ZNF385D: variants seen among roughly 807,000 people sequenced by gnomAD.
ZNF385D encodes the protein zinc finger protein 659.
In ZNF385D, 15 loss-of-function variants were observed where a neutral mutation model predicts 35.8. That is an observed-to-expected ratio of 0.42 (90% CI 0.28 to 0.64). The LOEUF is 0.64. Ranked by LOEUF, ZNF385D falls within the 30% of genes least tolerant of loss-of-function variation. ZNF385D has a pLI of 0.23. For synonymous variants in ZNF385D, 212 were observed against 186.8 expected, an observed-to-expected ratio of 1.13 and a Z score of -1.10; for missense variants, 474 against 494.6, an observed-to-expected ratio of 0.96 and a Z score of 0.39.
At chr3:21,773,534 A>G (rs2071163584) in intron 3 of ZNF385D, among the ~76,000 whole-genome samples, 1 of 152,020 alleles carries the variant, frequency 6.6e-6, no homozygotes, top group Non-Finnish European at 1.5e-5. Context: ...ACAAAAGTCT[A>G]ATATCCAGAA....
At chr3:21,890,172 A>T (rs970642483) in intron 3 of ZNF385D, among the ~76,000 whole-genome samples, 1 of 152,182 alleles carries the variant, frequency 6.6e-6, no homozygotes, top group Admixed American at 6.5e-5. Flanking sequence ...CCCTAATATT[A>T]TGTGCAGGTT....
At chr3:22,120,621 A>G (rs1354204147) in intron 3 of ZNF385D, among the ~76,000 whole-genome samples, 1 of 152,138 alleles carries the variant, frequency 6.6e-6, no homozygotes, top group African/African-American at 2.4e-5. Context: ...TACTAGCTGC[A>G]CGATACCACA....
intron 3 of ZNF385D, among the ~76,000 whole-genome samples, chr3:21,894,302 T>C (rs1282608294): frequency 6.6e-6 from 1 of 152,154 alleles, no homozygotes; most frequent in Non-Finnish European, 1.5e-5. Context: ...ATGTTATACT[T>C]AGTCAATTCA....
chr3:22,246,218 A>G (rs1282116042), intron 2 of ZNF385D, among the ~76,000 whole-genome samples: 1 of 152,164 alleles, frequency 6.6e-6, no homozygotes, highest in Non-Finnish European at 1.5e-5. Flanking sequence ...TTTCTCCAGA[A>G]TATCTCTTAA....
intron 3 of ZNF385D, among the ~76,000 whole-genome samples, chr3:22,022,928 G>GTGATA (rs1321638393): frequency 2.0e-5 from 3 of 152,154 alleles, no homozygotes; most frequent in Non-Finnish European, 4.4e-5. Context: ...GGTTGGCCCT[G>GTGATA]TGGGGATCAG....
At position 22,303,839 on chromosome 3, in the gene ZNF385D, G is replaced by A. The variant is rs142997392; in HGVS notation, c.106+68611C>T. On this transcript the variant is annotated intron_variant, in intron 2 of 5. Coordinates refer to the ZNF385D transcript ENST00000494108. ...GTTGCCCAGGATAGAGTGCAATGGC[G>A]CAATCTTGGCTCACTGCAAACTCCA... Among the ~76,000 whole-genome samples, 819 of 151,956 alleles carry A rather than the reference G, an allele frequency of 5.4e-3. 2 individuals are homozygous for A. The highest frequency in any genetic ancestry group is 0.017 in the African/African-American group (699 of 41,462).
At chr3:22,007,690 AATG>A (rs1696299132) in intron 3 of ZNF385D, among the ~76,000 whole-genome samples, 1 of 152,212 alleles carries the variant, frequency 6.6e-6, no homozygotes, top group African/African-American at 2.4e-5. Context: ...ATAAGTGAGA[AATG>A]ATAATTCAGT....
At chr3:21,662,449 G>A (rs1311630499) in intron 2 of ZNF385D, among the ~76,000 whole-genome samples, 1 of 152,162 alleles carries the variant, frequency 6.6e-6, no homozygotes, top group East Asian at 1.9e-4. Flanking sequence ...TCTCTTGAAT[G>A]AGAAATAAAG....
chr3:21,558,200 T>TTTAA (rs1314208134), intron 3 of ZNF385D, among the ~76,000 whole-genome samples: 1 of 151,882 alleles, frequency 6.6e-6, no homozygotes, highest in Non-Finnish European at 1.5e-5. Context: ...TCTGCTAGCT[T>TTTAA]TTAATTTGTT....
chr3:22,138,688 A>G (rs1484790347), intron 3 of ZNF385D, among the ~76,000 whole-genome samples: 3 of 152,190 alleles, frequency 2.0e-5, no homozygotes, highest in Non-Finnish European at 4.4e-5. Context: ...AAAGACTTAC[A>G]TGTTAGACCT....
intron 2 of ZNF385D, among the ~76,000 whole-genome samples, chr3:22,217,736 G>A (rs944002939): frequency 1.3e-5 from 2 of 152,182 alleles, no homozygotes; most frequent in South Asian, 4.1e-4. Context: ...AAAAGAAGGA[G>A]TAGAGAACAA....
intron 2 of ZNF385D, among the ~76,000 whole-genome samples, chr3:21,568,487 A>G (rs1211912808): frequency 1.1e-4 from 16 of 152,172 alleles, no homozygotes; most frequent in Admixed American, 1.0e-3. Context: ...GTAACATCTT[A>G]TTTTGTGTAT....
chr3:21,902,440 G>A (rs259499), intron 3 of ZNF385D, among the ~76,000 whole-genome samples: 30,588 of 151,936 alleles, frequency 0.2, 3,476 homozygotes, highest in Admixed American at 0.32. Context: ...GGTGATCACC[G>A]GTATCTTGGT....
At chr3:21,666,388 C>G (rs551319896) in intron 1 of ZNF385D, among the ~76,000 whole-genome samples, 31 of 152,234 alleles carry the variant, frequency 2.0e-4, no homozygotes, top group Admixed American at 5.9e-4. Flanking sequence ...TCAGCTGGAG[C>G]CAAATTAAGA....
At chr3:22,105,697 T>C (rs1702174874) in intron 3 of ZNF385D, among the ~76,000 whole-genome samples, 2 of 152,086 alleles carry the variant, frequency 1.3e-5, no homozygotes, top group South Asian at 4.1e-4. Context: ...TCAACCTTCC[T>C]CCACCTTTTT....
intron 2 of ZNF385D, among the ~76,000 whole-genome samples, chr3:21,607,930 G>A (rs903236173): frequency 6.6e-5 from 10 of 151,072 alleles, no homozygotes; most frequent in South Asian, 4.2e-4. Flanking sequence ...TATTCTTCCC[G>A]TAATTTATAT....
At chr3:21,552,825 T>C (rs917240382) in intron 3 of ZNF385D, among the ~76,000 whole-genome samples, 3 of 152,194 alleles carry the variant, frequency 2.0e-5, no homozygotes, top group Non-Finnish European at 4.4e-5. Flanking sequence ...TTACATTACA[T>C]GACAAAGGGG....
At chr3:21,997,972 A>G (rs1275759922) in intron 3 of ZNF385D, among the ~76,000 whole-genome samples, 3 of 151,876 alleles carry the variant, frequency 2.0e-5, no homozygotes, top group African/African-American at 7.3e-5. Context: ...ACTTGTTTTG[A>G]TAACCCTGCA....
At chr3:22,337,377 T>C (rs1695220619) in intron 2 of ZNF385D, among the ~76,000 whole-genome samples, 1 of 152,008 alleles carries the variant, frequency 6.6e-6, no homozygotes, top group Non-Finnish European at 1.5e-5. Context: ...CTACTAAAAA[T>C]ACAAAGTTTA....
Sources: allele counts gnomAD v4.1 joint callset (sites outside exome capture counted in the v4.1 genomes callset), GRCh38; gene constraint gnomAD v4.1.1; transcripts MANE v1.5; gene names NCBI Gene and HGNC (gene_info 2026-07-23, HGNC 2026-07-21).